CHD9: variants seen among roughly 807,000 people sequenced by gnomAD.
CHD9 encodes the protein chromodomain helicase DNA binding protein 9.
A neutral mutation model predicts 316.1 loss-of-function variants in CHD9; 77 were observed. The ratio of observed to expected loss-of-function variants is 0.24; its 90% CI spans 0.20 to 0.29. The LOEUF is 0.29. Ranked by LOEUF, CHD9 falls within the 10% of genes least tolerant of loss-of-function variation. The pLI is 1.00. For missense variants in CHD9, 2,763 were observed against 3,438.1 expected (o/e 0.80, Z 4.91); for synonymous variants, 1,129 against 1,158.3 (o/e 0.97, Z 0.51).
chr16:53,117,279 A>G (rs950567866), intron 1 of CHD9, among the ~76,000 whole-genome samples: 1 of 152,220 alleles, frequency 6.6e-6, no homozygotes, highest in African/African-American at 2.4e-5. Context: ...GTATGACACC[A>G]TGATAAACAA....
At position 53,326,598 on chromosome 16, in the gene CHD9, T is replaced by C. The variant is rs2057550552; in HGVS notation, c.*1703T>C. 2 of 152,466 alleles carry C rather than the reference T, an allele frequency of 1.3e-5. No homozygotes were observed. The highest frequency in any genetic ancestry group is 6.6e-5 in the Admixed American group (1 of 15,258). 9.4% of individuals were successfully genotyped at this position (152,466 alleles called of 1,614,324 possible). Reference sequence around the variant, plus strand: ...TTCCCAAAATAGTACTTTGAATTGATAGTCCTTTATGCAATGTCTTAGCAA... The same window carrying C: ...TTCCCAAAATAGTACTTTGAATTGACAGTCCTTTATGCAATGTCTTAGCAA... On this transcript the variant is annotated 3_prime_UTR_variant, in exon 39 of 39. Coordinates refer to ENST00000447540, the MANE Select transcript of CHD9 (RefSeq NM_001308319.2).
intron 17 of CHD9, among the ~76,000 whole-genome samples, chr16:53,251,775 C>T (rs1597650379): frequency 6.6e-6 from 1 of 152,210 alleles, no homozygotes; most frequent in South Asian, 2.1e-4. Context: ...GATGTCTCCA[C>T]TTTTAACATG....
In CHD9 at chr16:53,222,633, T is replaced by C; in HGVS notation, c.1785-11T>C. 1 of 1,222,620 alleles carries C rather than the reference T, an allele frequency of 8.2e-7. No individual in the cohort carries two copies. Among genetic ancestry groups the C allele is most frequent in the Non-Finnish European group, 1.2e-6 (1 of 853,146 alleles). The allele number at this position is 1,222,620 out of a possible 1,614,324, so 75.7% of individuals were successfully genotyped here. ...GAATTCATACTTTTTATTCTTTTCC[T>C]CTTGAAACAGCAAACTCATTATTAC... On this transcript the variant is annotated splice_polypyrimidine_tract_variant and intron_variant, in intron 3 of 38. Coordinates refer to ENST00000447540, the MANE Select transcript of CHD9 (RefSeq NM_001308319.2).
intron 1 of CHD9, among the ~76,000 whole-genome samples, chr16:53,135,528 G>A (rs1285082838): frequency 6.6e-6 from 1 of 152,142 alleles, no homozygotes; most frequent in Non-Finnish European, 1.5e-5. Context: ...TTGGATGTGA[G>A]AAGAAAAGTG....
intron 1 of CHD9, chr16:53,122,235 C>A (rs191745970): frequency 6.6e-6 from 1 of 151,764 alleles, no homozygotes; most frequent in African/African-American, 2.4e-5. Flanking sequence ...ATTATTTATA[C>A]GGGAATAATA....
chr16:53,139,801 C>T (rs1319191600), intron 1 of CHD9, among the ~76,000 whole-genome samples: 3 of 152,012 alleles, frequency 2.0e-5, no homozygotes, highest in Non-Finnish European at 2.9e-5. Context: ...TTAAAGCCTT[C>T]GAAAATAATG....
At chr16:53,261,653 C>T (rs1043622055) in intron 19 of CHD9, among the ~76,000 whole-genome samples, 16 of 152,202 alleles carry the variant, frequency 1.1e-4, no homozygotes, top group African/African-American at 3.9e-4. Flanking sequence ...TTGGGATTTA[C>T]AGACGTGAGC....
At chr16:53,185,298 A>T (rs2043889415) in intron 2 of CHD9, among the ~76,000 whole-genome samples, 1 of 152,194 alleles carries the variant, frequency 6.6e-6, no homozygotes, top group Non-Finnish European at 1.5e-5. Context: ...GTGGTCTCAG[A>T]TGGAGATGGG....
At position 53,204,058 on chromosome 16, in the gene CHD9, TACACACACACACAC is replaced by T. The variant is rs58259105; in HGVS notation, c.1453-5408_1453-5395del. Among the ~76,000 whole-genome samples the T allele has an allele frequency of 2.9e-4, 18 of 62,964 alleles. 1 individual carries two copies. Among genetic ancestry groups the T allele is most frequent in the African/African-American group, 7.1e-4 (16 of 22,430 alleles). 41.3% of individuals were successfully genotyped at this position (62,964 alleles called of 152,430 possible). The stretch of plus-strand genomic sequence containing the variant: ...AAAAAAAAAAAAAAAAATATATATA[TACACACACACACAC>T]ACACACACACACACATTTATGTCAA... On this transcript the variant is annotated intron_variant, in intron 2 of 38. Transcript: ENST00000447540.
chr16:53,152,530 G>C (rs1041159448), intron 1 of CHD9, among the ~76,000 whole-genome samples: 12 of 152,196 alleles, frequency 7.9e-5, no homozygotes, highest in African/African-American at 2.7e-4. Flanking sequence ...GCAGAGAGCT[G>C]TTCTGGTGGT....
intron 8 of CHD9, among the ~76,000 whole-genome samples, chr16:53,230,167 C>T (rs1195839305): frequency 1.3e-5 from 2 of 152,142 alleles, no homozygotes; most frequent in African/African-American, 4.8e-5. Flanking sequence ...TAAAAGAACA[C>T]CATAGAAGTG....
At chr16:53,148,207 CA>C (rs966905884) in intron 1 of CHD9, among the ~76,000 whole-genome samples, 6 of 151,896 alleles carry the variant, frequency 4.0e-5, no homozygotes, top group East Asian at 3.9e-4. Context: ...ACTCTGCCTC[CA>C]AAAAAATATA....
At chr16:53,247,594 CT>C in intron 16 of CHD9, 91 bp downstream of exon 16, 2 of 854,158 alleles carry the variant, frequency 2.3e-6, no homozygotes, top group Non-Finnish European at 3.7e-6. Context: ...TTACTCATAT[CT>C]TTCTCTTTGC....
At chr16:53,100,470 T>TTTTTTTTTC (rs55752349) in intron 1 of CHD9, among the ~76,000 whole-genome samples, 2 of 148,128 alleles carry the variant, frequency 1.4e-5, no homozygotes, top group African/African-American at 2.6e-5. Context: ...TTTTTTTTTT[T>TTTTTTTTTC]CCAAAAGACA....
chr16:53,252,595 C>T (rs781157180), intron 17 of CHD9, among the ~76,000 whole-genome samples: 7 of 151,592 alleles, frequency 4.6e-5, no homozygotes, highest in Non-Finnish European at 8.8e-5. Flanking sequence ...CAAAAACAGA[C>T]AGCAGAGTAA....
At chr16:53,322,219 A>G (rs1052481807) in intron 38 of CHD9, among the ~76,000 whole-genome samples, 48 of 150,052 alleles carry the variant, frequency 3.2e-4, no homozygotes, top group African/African-American at 1.1e-3. Context: ...CTGGTCTTGA[A>G]CTCCTGGCCT....
chr16:53,281,410 A>G (rs139817977), intron 24 of CHD9, among the ~76,000 whole-genome samples: 88 of 152,224 alleles, frequency 5.8e-4, no homozygotes, highest in East Asian at 2.1e-3. Context: ...TTTCAGTACT[A>G]TCTCCTCTGC....
At position 53,245,811 on chromosome 16, in the gene CHD9, G is replaced by C. The variant is rs1194209341; in HGVS notation, c.3415G>C (p.Glu1139Gln). ...NVPNLVNTMMELRKCCNHPYL... is the reference protein window; with the variant it reads ...NVPNLVNTMMQLRKCCNHPYL... ...ACCTAACTTGGTCAATACCATGATG[G>C]AGCTCAGGAAATGTTGTAATCATCC... is the stretch of plus-strand genomic sequence containing the variant. The change falls in exon 15 of 39, where the codon GAG becomes CAG. Residue 1139 changes from glutamate to glutamine, a missense_variant. This residue lies in a region of CHD9 where 155 missense variants were observed against 291.8 expected (regional missense o/e 0.53). Transcript: ENST00000447540. This position sits in a 1 kb window ranked among gnomAD's most constrained non-coding sequence, Gnocchi z 4.1. 6.4e-7 allele frequency: 1 copy of C among 1,559,310 alleles called. No homozygotes were observed. Among genetic ancestry groups the C allele is most frequent in the Non-Finnish European group, 8.7e-7 (1 of 1,156,068 alleles).
intron 2 of CHD9, among the ~76,000 whole-genome samples, chr16:53,190,766 T>C (rs2044413539): frequency 1.3e-5 from 2 of 152,076 alleles, no homozygotes; most frequent in African/African-American, 4.8e-5. Context: ...AAATTGAGTA[T>C]CTGCCACTAA....
Sources: gnomAD v4.1 joint callset for allele counts (sites outside exome capture counted in the v4.1 genomes callset) on GRCh38, gnomAD v4.1.1 for gene constraint, gnomAD v4.1.1 regional missense constraint, Gnocchi (gnomAD v3.1) non-coding constraint, MANE v1.5 for transcripts, NCBI Gene and HGNC (gene_info 2026-07-23, HGNC 2026-07-21) for gene names.